The following PACC1 variants were observed in gnomAD, a reference collection of about 807,000 sequenced individuals.
The protein encoded by PACC1 is proton activated chloride channel 1.
Under a neutral mutation model 39.7 loss-of-function variants are expected in PACC1, and 34 were observed. The ratio of observed to expected loss-of-function variants is 0.86; its 90% CI spans 0.65 to 1.14. The LOEUF is 1.14. Among genes scored for constraint, PACC1 ranks in the 50% most tolerant of loss-of-function variants. The pLI is 0.00. For synonymous variants in PACC1, 127 were observed against 160.6 expected (o/e 0.79, Z 1.58); for missense variants, 379 against 436.4 (o/e 0.87, Z 1.17).
chr1:212,379,373 T>C (rs1428257584), intron 5 of PACC1, among the ~76,000 whole-genome samples: 1 of 152,234 alleles, frequency 6.6e-6, no homozygotes, highest in Non-Finnish European at 1.5e-5. Flanking sequence ...AGGCTGTTAG[T>C]AGTTTTGGGG....
At chr1:212,411,726 G>A (rs1662133407) in intron 1 of PACC1, among the ~76,000 whole-genome samples, 1 of 152,130 alleles carries the variant, frequency 6.6e-6, no homozygotes, top group South Asian at 2.1e-4. Context: ...TCACCTCCAA[G>A]AGACAAGTGA....
chr1:212,366,405 A>G (rs1417187677), intron 7 of PACC1, among the ~76,000 whole-genome samples: 2 of 143,764 alleles, frequency 1.4e-5, no homozygotes, highest in South Asian at 2.1e-4. Context: ...GGTTCAATCT[A>G]TTCTCCTGCC....
chr1:212,379,158 T>G (rs1660780906), intron 5 of PACC1, among the ~76,000 whole-genome samples: 1 of 152,110 alleles, frequency 6.6e-6, no homozygotes, highest in African/African-American at 2.4e-5. Context: ...TTAGCCAGGA[T>G]GGTCTCGATC....
At chr1:212,378,975 G>A (rs1424771409) in intron 5 of PACC1, among the ~76,000 whole-genome samples, 4 of 142,822 alleles carry the variant, frequency 2.8e-5, no homozygotes, top group East Asian at 4.1e-4. Flanking sequence ...TTGGAGTCTC[G>A]CTCTGTTGCC....
chr1:212,393,734 A>T (rs1347357861), intron 2 of PACC1, among the ~76,000 whole-genome samples: 2 of 152,210 alleles, frequency 1.3e-5, no homozygotes, highest in Non-Finnish European at 2.9e-5. Context: ...AATAGACACA[A>T]TAAAAAATGA....
chr1:212,396,544 C>A (rs1334991128), intron 2 of PACC1, among the ~76,000 whole-genome samples: 1 of 151,390 alleles, frequency 6.6e-6, no homozygotes, highest in Non-Finnish European at 1.5e-5. Flanking sequence ...ATGTAACAAA[C>A]CTGCATTGCG....
At chr1:212,378,362 G>A (rs1315216020) in intron 5 of PACC1, among the ~76,000 whole-genome samples, 1 of 152,260 alleles carries the variant, frequency 6.6e-6, no homozygotes, top group Non-Finnish European at 1.5e-5. Flanking sequence ...GCTTGAAGCA[G>A]GGAAGGGAGA....
Position 212,379,991 on chromosome 1 carries a change from T to TC in PACC1, c.541dup (p.Glu181GlyfsTer13). 1 of 1,614,180 alleles carries TC rather than the reference T, an allele frequency of 6.2e-7. No homozygotes were observed. The highest frequency in any genetic ancestry group is 8.5e-7 in the Non-Finnish European group (1 of 1,180,028). On this transcript the variant is annotated frameshift_variant, in exon 5 of 8. Transcript: ENST00000261455. LOFTEE classifies it high-confidence loss of function. ...CAGGCGGAACTGGAGGAAGACCAGCTCCCGCTTTTTCACTTCCCGGGGCCC... is the reference window on the plus strand; with the variant it reads ...CAGGCGGAACTGGAGGAAGACCAGCTCCCCGCTTTTTCACTTCCCGGGGCCC...
intron 5 of PACC1, among the ~76,000 whole-genome samples, chr1:212,378,515 C>G (rs969948102): frequency 2.0e-5 from 3 of 152,208 alleles, no homozygotes; most frequent in Non-Finnish European, 2.9e-5. Context: ...GCCCCTGTAG[C>G]TGCCTCCCTG....
chr1:212,382,631 A>G (rs1479704684), intron 4 of PACC1, among the ~76,000 whole-genome samples: 1 of 152,220 alleles, frequency 6.6e-6, no homozygotes, highest in East Asian at 1.9e-4. Context: ...GCGAACAGCC[A>G]GAAGCCTACA....
chr1:212,408,532 T>C (rs1558183853), intron 2 of PACC1, among the ~76,000 whole-genome samples: 2 of 152,074 alleles, frequency 1.3e-5, no homozygotes, highest in African/African-American at 4.8e-5. Context: ...GGCTAATTTT[T>C]GTATTTTTTA....
At chr1:212,369,749 C>T (rs1279507452) in intron 7 of PACC1, among the ~76,000 whole-genome samples, 1 of 149,842 alleles carries the variant, frequency 6.7e-6, no homozygotes, top group Non-Finnish European at 1.5e-5. Flanking sequence ...CCACTGCACT[C>T]CAGCCTGGGC....
intron 2 of PACC1, among the ~76,000 whole-genome samples, chr1:212,389,585 T>C (rs80131903): frequency 6.6e-6 from 1 of 151,984 alleles, no homozygotes; most frequent in Non-Finnish European, 1.5e-5. Flanking sequence ...AAGCAATCTA[T>C]AGAAACCAAC....
At chr1:212,369,213 A>C (rs1168296585) in intron 7 of PACC1, among the ~76,000 whole-genome samples, 1 of 152,188 alleles carries the variant, frequency 6.6e-6, no homozygotes, top group Non-Finnish European at 1.5e-5. Flanking sequence ...TATGGTAACC[A>C]TAAAGCAAAA....
intron 7 of PACC1, among the ~76,000 whole-genome samples, chr1:212,368,849 G>A (rs550095668): frequency 2.0e-5 from 3 of 152,036 alleles, no homozygotes; most frequent in South Asian, 2.1e-4. Context: ...TGGCTAACAC[G>A]GTGAAACCCT....
chr1:212,371,994 C>A (rs1398573424), intron 7 of PACC1, among the ~76,000 whole-genome samples: 1 of 152,056 alleles, frequency 6.6e-6, no homozygotes, highest in Non-Finnish European at 1.5e-5. Context: ...ATGATAAAAA[C>A]TCTCAATGTG....
At chr1:212,383,489 G>A (rs564155075) in intron 4 of PACC1, among the ~76,000 whole-genome samples, 10 of 152,276 alleles carry the variant, frequency 6.6e-5, no homozygotes, top group African/African-American at 2.2e-4. Context: ...CTCCACATTG[G>A]AATTGTTTAA....
chr1:212,394,246 A>C (rs578125139), intron 2 of PACC1, among the ~76,000 whole-genome samples: 69 of 152,364 alleles, frequency 4.5e-4, no homozygotes, highest in African/African-American at 1.6e-3. Context: ...ACCATGATCA[A>C]GTGGGCTTCA....
intron 2 of PACC1, among the ~76,000 whole-genome samples, chr1:212,405,188 G>T (rs2102536669): frequency 6.6e-6 from 1 of 152,144 alleles, no homozygotes; most frequent in African/African-American, 2.4e-5. Flanking sequence ...AGGCTCTCTT[G>T]CTCTAAATCT....
Sources: gnomAD v4.1 joint callset for allele counts (sites outside exome capture counted in the v4.1 genomes callset) on GRCh38, gnomAD v4.1.1 for gene constraint, MANE v1.5 for transcripts, NCBI Gene and HGNC (gene_info 2026-07-23, HGNC 2026-07-21) for gene names.